The following LINGO2 variants were observed in gnomAD, a reference collection of about 807,000 sequenced individuals.
The protein encoded by LINGO2 is leucine-rich repeat and immunoglobulin-like domain-containing nogo receptor-interacting protein 2.
A neutral mutation model predicts 30.6 loss-of-function variants in LINGO2; 14 were observed. The observed-to-expected ratio is 0.46, with a 90% CI of 0.30 to 0.72. The LOEUF is 0.72. LINGO2 is among the 30% of genes least tolerant of loss of function. The pLI is 0.07. For missense variants in LINGO2, 729 were observed against 751.7 expected (o/e 0.97, Z 0.35); for synonymous variants, 317 against 288.5 (o/e 1.10, Z -1.00).
At chr9:28,917,476 G>A in the LINGO2 span, among the ~76,000 whole-genome samples, 1 of 151,650 alleles carries the variant, frequency 6.6e-6, no homozygotes, top group Non-Finnish European at 1.5e-5. Flanking sequence ...TGGTGAGAAG[G>A]AGTTTTGCTC....
the LINGO2 span, among the ~76,000 whole-genome samples, chr9:28,853,907 T>A: frequency 4.0e-4 from 61 of 152,082 alleles, no homozygotes; most frequent in Admixed American, 8.5e-4. Flanking sequence ...CCTACCTATA[T>A]GAACTAAGCC....
intron 4 of LINGO2, among the ~76,000 whole-genome samples, chr9:28,105,795 G>A (rs138505833): frequency 0.016 from 2,429 of 152,160 alleles, 51 homozygotes; most frequent in African/African-American, 0.051. Flanking sequence ...CAGAGAGAAG[G>A]TGGCTGTCTA....
At chr9:28,440,019 G>C (rs1384071881) in intron 2 of LINGO2, among the ~76,000 whole-genome samples, 1 of 152,090 alleles carries the variant, frequency 6.6e-6, no homozygotes, top group Non-Finnish European at 1.5e-5. Context: ...TCTGAAATTT[G>C]GTGTTATTTT....
chr9:29,065,876 C>T, the LINGO2 span, among the ~76,000 whole-genome samples: 11 of 151,920 alleles, frequency 7.2e-5, no homozygotes, highest in South Asian at 2.3e-3. Context: ...TTAAATATTT[C>T]CTTCCACATG....
chr9:28,588,526 G>C (rs1382680715), intron 1 of LINGO2, among the ~76,000 whole-genome samples: 1 of 151,838 alleles, frequency 6.6e-6, no homozygotes, highest in African/African-American at 2.4e-5. Context: ...GGGAGCCTGG[G>C]GATGGTGGGA....
chr9:29,069,363 T>C, the LINGO2 span, among the ~76,000 whole-genome samples: 1 of 151,992 alleles, frequency 6.6e-6, no homozygotes, highest in Admixed American at 6.6e-5. Context: ...ATTAGTATTA[T>C]ATAATGTATC....
At chr9:28,453,327 C>A (rs1190664990) in intron 2 of LINGO2, among the ~76,000 whole-genome samples, 1 of 151,830 alleles carries the variant, frequency 6.6e-6, no homozygotes, top group Non-Finnish European at 1.5e-5. Context: ...TACTGTATAA[C>A]AAATGCTCGG....
At chr9:29,110,545 G>A in the LINGO2 span, among the ~76,000 whole-genome samples, 5 of 151,904 alleles carry the variant, frequency 3.3e-5, no homozygotes, top group Non-Finnish European at 4.4e-5. Flanking sequence ...TGTTAGCCAG[G>A]ATGATCTTGA....
chr9:28,331,081 T>C (rs1825402044), intron 3 of LINGO2, among the ~76,000 whole-genome samples: 2 of 152,102 alleles, frequency 1.3e-5, no homozygotes, highest in South Asian at 2.1e-4. Context: ...TTAAGTAATC[T>C]AATAATTTCA....
At chr9:28,577,837 G>A (rs1271831498) in intron 1 of LINGO2, among the ~76,000 whole-genome samples, 3 of 152,072 alleles carry the variant, frequency 2.0e-5, no homozygotes, top group Admixed American at 6.6e-5. Flanking sequence ...TTATTCTTGA[G>A]GAATTAATAA....
chr9:28,100,534 G>A (rs1218729468), intron 4 of LINGO2, among the ~76,000 whole-genome samples: 1 of 152,182 alleles, frequency 6.6e-6, no homozygotes, highest in Non-Finnish European at 1.5e-5. Context: ...GATATAAAAT[G>A]TAGTCACATT....
In LINGO2 at chr9:28,130,109, A is replaced by T. The variant is rs947069578; in HGVS notation, c.-86-117704T>A. On this transcript the variant is annotated intron_variant, in intron 4 of 5. Transcript: ENST00000379992. This position sits in a 1 kb window ranked among gnomAD's most constrained non-coding sequence, Gnocchi z 5.2. The stretch of plus-strand genomic sequence containing the variant: ...AGGTAAACTCTTGGGGATTTTGTCA[A>T]TTCTGACATTGATTCCCATGTGGAA... Among the ~76,000 whole-genome samples the T allele has an allele frequency of 1.3e-5, 2 of 152,208 alleles. No individual in the cohort carries two copies. Among genetic ancestry groups the T allele is most frequent in the African/African-American group, 2.4e-5 (1 of 41,458 alleles).
chr9:28,736,686 C>G, the LINGO2 span, among the ~76,000 whole-genome samples: 147,713 of 152,078 alleles, frequency 0.97, 71,792 homozygotes, highest in South Asian at 0.99. Flanking sequence ...CAGCTACTTG[C>G]GGGGCTGAGG....
At chr9:28,646,113 T>G (rs2135953134) in intron 1 of LINGO2, among the ~76,000 whole-genome samples, 1 of 152,270 alleles carries the variant, frequency 6.6e-6, no homozygotes, top group East Asian at 1.9e-4. Flanking sequence ...TTCATAATTC[T>G]TAGTTATTAG....
intron 4 of LINGO2, among the ~76,000 whole-genome samples, chr9:28,026,285 C>T (rs781146072): frequency 3.3e-5 from 5 of 152,148 alleles, no homozygotes; most frequent in Non-Finnish European, 5.9e-5. Flanking sequence ...TCCTTAAAGG[C>T]ACCTGGAGGA....
At chr9:28,563,899 T>C (rs745646901) in intron 1 of LINGO2, among the ~76,000 whole-genome samples, 2 of 152,114 alleles carry the variant, frequency 1.3e-5, no homozygotes, top group Non-Finnish European at 2.9e-5. Flanking sequence ...TCTAGATAGT[T>C]AGACCCCTCC....
At chr9:29,154,264 G>A in the LINGO2 span, among the ~76,000 whole-genome samples, 5 of 151,372 alleles carry the variant, frequency 3.3e-5, no homozygotes, top group South Asian at 2.1e-4. Flanking sequence ...GCAAACACAC[G>A]GTGAAACCCC....
At chr9:28,016,683 A>T (rs1348252780) in intron 4 of LINGO2, among the ~76,000 whole-genome samples, 4 of 4,294 alleles carry the variant, frequency 9.3e-4, no homozygotes, top group Non-Finnish European at 9.0e-4. Flanking sequence ...TTAAACCAGT[A>T]AAAAAAAAAA....
intron 1 of LINGO2, among the ~76,000 whole-genome samples, chr9:28,586,452 C>G (rs537009455): frequency 6.6e-6 from 1 of 152,024 alleles, no homozygotes; most frequent in East Asian, 1.9e-4. Flanking sequence ...CAGCCTCCCC[C>G]ATTTTCATGC....
Sources: allele counts gnomAD v4.1 joint callset (sites outside exome capture counted in the v4.1 genomes callset), GRCh38; gene constraint gnomAD v4.1.1; non-coding constraint Gnocchi (gnomAD v3.1); transcripts MANE v1.5; gene names NCBI Gene and HGNC (gene_info 2026-07-23, HGNC 2026-07-21).